Variants in GLT1D1 observed in about 807,000 individuals in gnomAD.
GLT1D1 encodes the protein glycosyltransferase 1 domain containing 1, also known as glycosyltransferase 1 domain-containing protein 1.
Under a neutral mutation model 28.7 loss-of-function variants are expected in GLT1D1, and 21 were observed. The observed-to-expected ratio is 0.73, with a 90% CI of 0.52 to 1.05. The LOEUF (loss-of-function observed/expected upper bound fraction) is 1.05, where lower values mean the gene tolerates loss of function less well. Ranked by LOEUF, GLT1D1 falls within the 50% of genes least tolerant of loss-of-function variation. The pLI, the probability that GLT1D1 is intolerant of heterozygous loss-of-function variation, is 0.00. For synonymous variants in GLT1D1, 147 were observed against 124.8 expected (o/e 1.18, Z -1.19); for missense variants, 343 against 330.6 (o/e 1.04, Z -0.29).
At chr12:128,936,585 C>G (rs1177702870) in intron 4 of GLT1D1, among the ~76,000 whole-genome samples, 5 of 152,154 alleles carry the variant, frequency 3.3e-5, no homozygotes, top group Non-Finnish European at 7.3e-5. Flanking sequence ...TCAACCGTTT[C>G]AACGAAGCAT....
intron 2 of GLT1D1, among the ~76,000 whole-genome samples, chr12:128,888,343 G>A (rs1015723338): frequency 1.3e-5 from 2 of 152,124 alleles, no homozygotes; most frequent in African/African-American, 4.8e-5. Context: ...TGATAAGCTT[G>A]GCTTTGATTG....
intron 3 of GLT1D1, among the ~76,000 whole-genome samples, chr12:128,890,524 C>A (rs1476077672): frequency 6.6e-6 from 1 of 152,150 alleles, no homozygotes; most frequent in Non-Finnish European, 1.5e-5. Context: ...TGACTCAGGC[C>A]TGTAATCCCA....
At chr12:128,946,561 C>T (rs1876108660) in intron 5 of GLT1D1, among the ~76,000 whole-genome samples, 1 of 151,060 alleles carries the variant, frequency 6.6e-6, no homozygotes, top group Non-Finnish European at 1.5e-5. Flanking sequence ...GTCTCGATCT[C>T]CTGACCTCGT....
intron 7 of GLT1D1, among the ~76,000 whole-genome samples, chr12:128,974,201 G>C (rs370758743): frequency 6.6e-6 from 1 of 152,072 alleles, no homozygotes; most frequent in Non-Finnish European, 1.5e-5. Flanking sequence ...ACATGCAGTC[G>C]GGACCCACCT....
intron 4 of GLT1D1, 69 bp from the exon 8 acceptor site, chr12:128,927,036 T>G: frequency 1.0e-6 from 1 of 994,628 alleles, no homozygotes; most frequent in Non-Finnish European, 1.5e-6. Flanking sequence ...TATATTGAAG[T>G]TAGTTGTGCT....
chr12:128,894,962 C>T (rs957170477), intron 3 of GLT1D1, among the ~76,000 whole-genome samples: 15 of 151,192 alleles, frequency 9.9e-5, no homozygotes, highest in African/African-American at 2.7e-4. Flanking sequence ...TTTGTTTATT[C>T]GGTTGCTCAA....
chr12:128,942,738 TG>T (rs1335829718), intron 4 of GLT1D1, among the ~76,000 whole-genome samples: 2,107 of 99,408 alleles, frequency 0.021, 296 homozygotes, highest in African/African-American at 0.07. Flanking sequence ...TTTCTTTGTT[TG>T]TTTGTTTTTG....
intron 2 of GLT1D1, among the ~76,000 whole-genome samples, chr12:128,881,003 T>C (rs2135810130): frequency 6.8e-6 from 1 of 147,682 alleles, no homozygotes; most frequent in East Asian, 2.1e-4. Flanking sequence ...GACGGGCGGA[T>C]CACGAGGTCA....
At chr12:128,968,291 G>T (rs1878681283) in intron 7 of GLT1D1, among the ~76,000 whole-genome samples, 1 of 151,318 alleles carries the variant, frequency 6.6e-6, no homozygotes, top group African/African-American at 2.4e-5. Flanking sequence ...CACTGCGCCC[G>T]GTCACTTATG....
At chr12:128,951,304 G>T (rs939610069) in intron 6 of GLT1D1, among the ~76,000 whole-genome samples, 5 of 152,188 alleles carry the variant, frequency 3.3e-5, no homozygotes, top group African/African-American at 9.7e-5. Context: ...TAGGGTGGCA[G>T]AGGCAGGAGA....
intron 2 of GLT1D1, among the ~76,000 whole-genome samples, chr12:128,877,052 T>C (rs1956885646): frequency 6.6e-6 from 1 of 152,238 alleles, no homozygotes; most frequent in Admixed American, 6.5e-5. Flanking sequence ...CCTAGAACAT[T>C]GCAAGAAAAT....
chr12:128,941,985 T>C (rs950570737), intron 4 of GLT1D1, among the ~76,000 whole-genome samples: 1 of 151,334 alleles, frequency 6.6e-6, no homozygotes, highest in African/African-American at 2.4e-5. Context: ...TTCCTACTTA[T>C]TTTTTTCCCT....
At chr12:128,970,991 G>A (rs1485255210) in intron 7 of GLT1D1, among the ~76,000 whole-genome samples, 2 of 152,332 alleles carry the variant, frequency 1.3e-5, no homozygotes, top group East Asian at 3.9e-4. Context: ...TCCAGAGGGC[G>A]TGTTTTTTTA....
chr12:128,951,698 G>A (rs1291766415), intron 6 of GLT1D1, among the ~76,000 whole-genome samples: 27 of 152,172 alleles, frequency 1.8e-4, no homozygotes, highest in African/African-American at 6.5e-4. Context: ...TGCACTGTCC[G>A]CCCAGGCACC....
At chr12:128,969,348 A>G (rs899872451) in intron 7 of GLT1D1, among the ~76,000 whole-genome samples, 2 of 151,786 alleles carry the variant, frequency 1.3e-5, no homozygotes, top group African/African-American at 4.8e-5. Flanking sequence ...CCTTTTCTAA[A>G]GTGGTTCTTC....
intron 6 of GLT1D1, among the ~76,000 whole-genome samples, chr12:128,953,267 C>A (rs470760): frequency 6.6e-6 from 1 of 152,030 alleles, no homozygotes; most frequent in East Asian, 1.9e-4. Flanking sequence ...TAAATATTTC[C>A]TCCCATTCTG....
intron 4 of GLT1D1, among the ~76,000 whole-genome samples, chr12:128,902,889 A>G (rs1870440398): frequency 6.6e-6 from 1 of 151,308 alleles, no homozygotes; most frequent in South Asian, 2.1e-4. Flanking sequence ...CTGAAAATGC[A>G]AAAAATTAGC....
chr12:128,932,057 TGAG>T (rs1408717584), intron 4 of GLT1D1, among the ~76,000 whole-genome samples: 2 of 152,216 alleles, frequency 1.3e-5, no homozygotes, highest in Non-Finnish European at 2.9e-5. Flanking sequence ...CTTTGCCTGT[TGAG>T]GAGTTGACTA....
intron 7 of GLT1D1, among the ~76,000 whole-genome samples, chr12:128,973,952 G>T (rs113490758): frequency 0.065 from 2,667 of 40,814 alleles, 128 homozygotes; most frequent in African/African-American, 0.15. Context: ...TGTGTGTGTG[G>T]GGGGGGCGCT....
Sources: gnomAD v4.1 joint callset for allele counts (sites outside exome capture counted in the v4.1 genomes callset) on GRCh38, gnomAD v4.1.1 for gene constraint, MANE v1.5 for transcripts, NCBI Gene and HGNC (gene_info 2026-07-23, HGNC 2026-07-21) for gene names.